Variants in ELFN1 observed in about 807,000 individuals in gnomAD.
ELFN1 encodes the protein protein ELFN1.
ELFN1 carries 6 observed loss-of-function variants against 7.6 expected under a neutral mutation model. The observed-to-expected ratio is 0.79, with a 90% confidence interval of 0.43 to 1.56. The LOEUF (loss-of-function observed/expected upper bound fraction) is 1.56. Among genes scored for constraint, ELFN1 ranks in the 40% most tolerant of loss-of-function variants. The pLI, the probability that ELFN1 is intolerant of heterozygous loss-of-function variation, is 0.01. For synonymous variants in ELFN1, 657 were observed against 588.1 expected (o/e 1.12, Z -1.70); for missense variants, 1,169 against 1,232.2 (o/e 0.95, Z 0.77).
chr7:1,711,859 G>A (rs1254139901), intron 3 of ELFN1, among the ~76,000 whole-genome samples: 1 of 152,212 alleles, frequency 6.6e-6, no homozygotes, highest in Non-Finnish European at 1.5e-5. Context: ...GGGCAGTCTG[G>A]GGGAGGGGGC....
At position 1,673,373 on chromosome 7, in the gene ELFN1, G is replaced by A. The variant is rs115598711; in HGVS notation, c.-549+3019G>A. 3.2e-3 allele frequency among the ~76,000 whole-genome samples: 487 copies of A among 152,278 alleles called. 3 individuals carry two copies. The highest frequency in any genetic ancestry group is 0.011 in the African/African-American group (463 of 41,552). ...TCCAGCAGGGTGGGAGGCCTTGGTCGTTGGGGGCTGCTGCCTCCCTTCACC... is the reference window on the plus strand; with the variant it reads ...TCCAGCAGGGTGGGAGGCCTTGGTCATTGGGGGCTGCTGCCTCCCTTCACC... On this transcript the variant is annotated intron_variant, in intron 1 of 3. Transcript: ENST00000424383. This position sits in a 1 kb window ranked among gnomAD's most constrained non-coding sequence, Gnocchi z 4.7.
chr7:1,741,357 C>T (rs1780608935), intron 3 of ELFN1, among the ~76,000 whole-genome samples: 2 of 152,196 alleles, frequency 1.3e-5, no homozygotes, highest in South Asian at 4.1e-4. Context: ...TCCCTGAGCC[C>T]CTGCAGGCCA....
rs554419530 is a variant in ELFN1 at position 1,739,988 on chromosome 7, G to A, written c.-293-4316G>A. ...GTTCTAGAACTACGAGTTCCAATAC[G>A]GCAGCTACTAGCCACGTTTCTGGCA... is the stretch of plus-strand genomic sequence containing the variant. On this transcript the variant is annotated intron_variant, in intron 3 of 3. Coordinates refer to ENST00000424383, the MANE Select transcript of ELFN1 (RefSeq NM_001128636.4). This position sits in a 1 kb window ranked among gnomAD's most constrained non-coding sequence, Gnocchi z 4.6. 3.9e-5 allele frequency among the ~76,000 whole-genome samples: 6 copies of A among 152,338 alleles called. No individual in the cohort carries two copies. Among genetic ancestry groups the A allele is most frequent in the African/African-American group, 1.4e-4 (6 of 41,576 alleles).
At chr7:1,684,404 A>C (rs1282686655) in intron 1 of ELFN1, among the ~76,000 whole-genome samples, 1 of 152,124 alleles carries the variant, frequency 6.6e-6, no homozygotes, top group African/African-American at 2.4e-5. Context: ...CATTGATCAT[A>C]TTGCTGTCCA....
At chr7:1,703,756 G>A (rs879351283) in intron 2 of ELFN1, among the ~76,000 whole-genome samples, 27 of 152,198 alleles carry the variant, frequency 1.8e-4, no homozygotes, top group African/African-American at 5.8e-4. Context: ...GGCAGCCTCT[G>A]CCTGAGTTTC....
chr7:1,677,368 G>A (rs1778891054), intron 1 of ELFN1, among the ~76,000 whole-genome samples: 1 of 152,186 alleles, frequency 6.6e-6, no homozygotes, highest in Admixed American at 6.5e-5. Context: ...CCGGCACCCC[G>A]GCTTCCTCCA....
intron 1 of ELFN1, among the ~76,000 whole-genome samples, chr7:1,674,858 G>C (rs1306752902): frequency 6.6e-6 from 1 of 152,110 alleles, no homozygotes. Flanking sequence ...AACATCCTTC[G>C]GCCCGGGCCA....
intron 2 of ELFN1, among the ~76,000 whole-genome samples, chr7:1,689,065 G>A (rs1348328942): frequency 6.6e-6 from 1 of 152,192 alleles, no homozygotes; most frequent in African/African-American, 2.4e-5. Context: ...GTCAGGGACT[G>A]TCAGTCTGCT....
chr7:1,714,955 C>T (rs1779784639), intron 3 of ELFN1, among the ~76,000 whole-genome samples: 3 of 152,316 alleles, frequency 2.0e-5, no homozygotes, highest in South Asian at 2.1e-4. Context: ...CCACTGCGGA[C>T]GTTTGTCCTC....
In ELFN1 at chr7:1,735,080, G is replaced by C. The variant is rs1021136128; in HGVS notation, c.-293-9224G>C. Among the ~76,000 whole-genome samples the C allele has an allele frequency of 6.6e-6, 1 of 152,130 alleles. No homozygotes were observed. The highest frequency in any genetic ancestry group is 6.5e-5 in the Admixed American group (1 of 15,278). ...TGGGGGAGTCTCAACTTCCTGGCTA[G>C]ACTTTCCCATGCTGAGCCTCTGTTT... On this transcript the variant is annotated intron_variant, in intron 3 of 3. Coordinates refer to ENST00000424383, the MANE Select transcript of ELFN1 (RefSeq NM_001128636.4). The surrounding 1 kb of genome is among the most constrained non-coding windows in gnomAD (Gnocchi z 5.9).
chr7:1,710,281 A>T (rs1779621997), intron 3 of ELFN1, among the ~76,000 whole-genome samples: 1 of 152,222 alleles, frequency 6.6e-6, no homozygotes, highest in Non-Finnish European at 1.5e-5. Context: ...GGGGGGACAG[A>T]CAATCTGTCT....
intron 3 of ELFN1, among the ~76,000 whole-genome samples, chr7:1,723,656 C>T (rs566928479): frequency 5.6e-4 from 85 of 152,358 alleles, no homozygotes; most frequent in African/African-American, 1.8e-3. Flanking sequence ...GGCTGTGCCC[C>T]GGCCTGGGGC....
chr7:1,695,720 C>T lies in ELFN1; in HGVS notation c.-456+7570C>T, dbSNP rs539491060. 2.1e-5 allele frequency among the ~76,000 whole-genome samples: 3 copies of T among 142,466 alleles called. No individual in the cohort carries two copies. The South Asian group carries it at 6.8e-4, about 32-fold the overall frequency. The allele number at this position is 142,466 out of a possible 152,430, so 93.5% of individuals were successfully genotyped here. On this transcript the variant is annotated intron_variant, in intron 2 of 3. Transcript: ENST00000424383. The surrounding 1 kb of genome is among the most constrained non-coding windows in gnomAD (Gnocchi z 5.1). ...CCGAGATCGCGCCACTGCACTGCAGCCTGGGTGACAGAGCGAGACTCCGTG... is the reference window on the plus strand; with the variant it reads ...CCGAGATCGCGCCACTGCACTGCAGTCTGGGTGACAGAGCGAGACTCCGTG...
At chr7:1,672,158 C>T (rs1407326742) in intron 1 of ELFN1, among the ~76,000 whole-genome samples, 1 of 152,206 alleles carries the variant, frequency 6.6e-6, no homozygotes, top group Non-Finnish European at 1.5e-5. Flanking sequence ...GGCACCTGAA[C>T]CAGAGCCACA....
Position 1,743,624 on chromosome 7 carries a change from G to A in ELFN1, c.-293-680G>A, listed in dbSNP as rs192535379. 5.0e-4 allele frequency among the ~76,000 whole-genome samples: 76 copies of A among 152,226 alleles called. 2 individuals carry two copies. The East Asian group carries it at 0.013, about 26-fold the overall frequency. ...GCTCAGACCGAGACCTGGCAGACAC[G>A]AGTCCCCGGACAGGCCAGAATACCT... On this transcript the variant is annotated intron_variant, in intron 3 of 3. Coordinates refer to ENST00000424383, the MANE Select transcript of ELFN1 (RefSeq NM_001128636.4).
chr7:1,704,991 C>T (rs1032730254), intron 2 of ELFN1, among the ~76,000 whole-genome samples: 1 of 152,144 alleles, frequency 6.6e-6, no homozygotes, highest in African/African-American at 2.4e-5. Context: ...AGGAGCCAGC[C>T]TGGGTGGGTC....
intron 3 of ELFN1, among the ~76,000 whole-genome samples, chr7:1,711,921 G>A (rs989336115): frequency 2.6e-5 from 4 of 152,242 alleles, no homozygotes; most frequent in South Asian, 2.1e-4. Flanking sequence ...TCCAGACTGA[G>A]ACCCACGTTG....
intron 3 of ELFN1, among the ~76,000 whole-genome samples, chr7:1,714,795 T>C (rs1779777785): frequency 6.6e-6 from 1 of 152,244 alleles, no homozygotes; most frequent in Non-Finnish European, 1.5e-5. Context: ...AGCTAGGGAC[T>C]GAATTTGGCT....
At chr7:1,699,617 G>A (rs866059470) in intron 2 of ELFN1, among the ~76,000 whole-genome samples, 17 of 152,038 alleles carry the variant, frequency 1.1e-4, no homozygotes, top group African/African-American at 3.9e-4. Context: ...CTCCAGCCTG[G>A]TCCACAAAGC....
Sources: gnomAD v4.1 joint callset for allele counts (sites outside exome capture counted in the v4.1 genomes callset) on GRCh38, gnomAD v4.1.1 for gene constraint, Gnocchi (gnomAD v3.1) non-coding constraint, MANE v1.5 for transcripts, NCBI Gene and HGNC (gene_info 2026-07-23, HGNC 2026-07-21) for gene names.